The following GRM7 variants were observed in gnomAD, a reference collection of about 807,000 sequenced individuals.
GRM7 encodes metabotropic glutamate receptor 7.
A neutral mutation model predicts 84.5 loss-of-function variants in GRM7; 35 were observed. That is an observed-to-expected ratio of 0.41 (90% CI 0.32 to 0.55). GRM7 has a LOEUF of 0.55. Ranked by LOEUF, GRM7 falls within the 20% of genes least tolerant of loss-of-function variation. The probability of loss-of-function intolerance (pLI) is 0.19; values close to 1 mark genes in which losing one functional copy is unlikely to be tolerated. For missense variants in GRM7, 1,003 were observed against 1,194.6 expected (o/e 0.84, Z 2.36); for synonymous variants, 487 against 455.1 (o/e 1.07, Z -0.89).
intron 7 of GRM7, among the ~76,000 whole-genome samples, chr3:7,464,827 C>CAAAA (rs71307749): frequency 3.8e-4 from 33 of 85,802 alleles, no homozygotes; most frequent in African/African-American, 1.2e-3. Context: ...GACTCTGTCT[C>CAAAA]AAAAAAAAAA....
intron 6 of GRM7, among the ~76,000 whole-genome samples, chr3:7,459,088 T>C (rs925680834): frequency 6.6e-6 from 1 of 152,190 alleles, no homozygotes. Flanking sequence ...ATCCCTATTA[T>C]GATAAAGTGG....
rs1695588779 is a variant in GRM7, at chr3:7,587,851, G to C, written c.2451+8494G>C. 2.0e-5 allele frequency among the ~76,000 whole-genome samples: 3 copies of C among 152,222 alleles called. No homozygotes were observed. The South Asian group carries it at 6.2e-4, about 32-fold the overall frequency. On this transcript the variant is annotated intron_variant, in intron 8 of 9. Coordinates refer to ENST00000357716, the MANE Select transcript of GRM7 (RefSeq NM_000844.4). The stretch of plus-strand genomic sequence containing the variant: ...GAAGAATCCCTTAGAGCAAAAGTTG[G>C]ATCAGAGCTGGCAGTCACCTATGGT...
At chr3:7,678,221 GA>G (rs1316138499) in intron 8 of GRM7, among the ~76,000 whole-genome samples, 1 of 151,708 alleles carries the variant, frequency 6.6e-6, no homozygotes, top group African/African-American at 2.4e-5. Context: ...TCTAAAAGTT[GA>G]AAAAAGAAAA....
At chr3:7,491,342 T>C (rs1264305008) in intron 7 of GRM7, among the ~76,000 whole-genome samples, 1 of 152,104 alleles carries the variant, frequency 6.6e-6, no homozygotes, top group Non-Finnish European at 1.5e-5. Context: ...GATTATTTTA[T>C]ACTTTTCCAT....
At chr3:7,242,950 C>T (rs373797479) in intron 2 of GRM7, among the ~76,000 whole-genome samples, 85 of 151,532 alleles carry the variant, frequency 5.6e-4, no homozygotes, top group African/African-American at 2.0e-3. Context: ...ATTAAAAATC[C>T]CTTAAAGGTA....
At chr3:7,127,803 T>A (rs1375524850) in intron 1 of GRM7, among the ~76,000 whole-genome samples, 1 of 152,150 alleles carries the variant, frequency 6.6e-6, no homozygotes, top group African/African-American at 2.4e-5. Context: ...TCCAATACTG[T>A]TAGCCTAACC....
intron 2 of GRM7, among the ~76,000 whole-genome samples, chr3:7,245,722 G>C (rs1028962529): frequency 2.0e-5 from 3 of 151,930 alleles, no homozygotes; most frequent in African/African-American, 7.2e-5. Flanking sequence ...TGATGATTTG[G>C]ATCCATGAAA....
At chr3:7,724,064 A>T (rs1393204053) in intron 9 of GRM7, among the ~76,000 whole-genome samples, 1 of 152,132 alleles carries the variant, frequency 6.6e-6, no homozygotes, top group African/African-American at 2.4e-5. Context: ...AATAGTGAAG[A>T]TGGAAAATAC....
chr3:7,099,247 AATACATGTATT>A (rs1232190118), intron 1 of GRM7, among the ~76,000 whole-genome samples: 1 of 127,440 alleles, frequency 7.8e-6, no homozygotes, highest in African/African-American at 3.8e-5. Flanking sequence ...TGTATATATG[AATACATGTATT>A]ATACATGTAT....
intron 1 of GRM7, among the ~76,000 whole-genome samples, chr3:6,973,846 G>A (rs1301753081): frequency 6.6e-6 from 1 of 152,208 alleles, no homozygotes; most frequent in Non-Finnish European, 1.5e-5. Context: ...GGCCTTAGCA[G>A]CTATGGTAAG....
chr3:7,682,348 A>G (rs1169075424), intron 9 of GRM7: 4 of 151,050 alleles, frequency 2.6e-5, no homozygotes, highest in African/African-American at 9.8e-5. Flanking sequence ...AAAAAAAAAA[A>G]AAAAAAAAGA....
intron 1 of GRM7, among the ~76,000 whole-genome samples, chr3:7,093,891 A>C (rs776635324): frequency 3.9e-5 from 6 of 152,144 alleles, no homozygotes; most frequent in Non-Finnish European, 5.9e-5. Context: ...CGAGACTAAC[A>C]ACCAGAGAAC....
chr3:7,302,519 C>CA (rs1281131646), intron 3 of GRM7, among the ~76,000 whole-genome samples: 1 of 152,066 alleles, frequency 6.6e-6, no homozygotes, highest in African/African-American at 2.4e-5. Flanking sequence ...CAAACTTCGT[C>CA]AGCACCTCCC....
chr3:7,288,547 G>A (rs1332499930), intron 2 of GRM7, among the ~76,000 whole-genome samples: 6 of 152,078 alleles, frequency 3.9e-5, no homozygotes, highest in South Asian at 2.1e-4. Context: ...CTTCTCATCC[G>A]TAAAGTGGAC....
At chr3:7,547,612 TAAATC>T (rs1350489930) in intron 7 of GRM7, among the ~76,000 whole-genome samples, 1 of 152,160 alleles carries the variant, frequency 6.6e-6, no homozygotes, top group Non-Finnish European at 1.5e-5. Flanking sequence ...CCTTATCAAT[TAAATC>T]AGAAAGTCCA....
At chr3:7,186,228 G>T (rs761063606) in intron 2 of GRM7, among the ~76,000 whole-genome samples, 1 of 152,142 alleles carries the variant, frequency 6.6e-6, no homozygotes, top group Non-Finnish European at 1.5e-5. Flanking sequence ...CATATTTCAA[G>T]TTGCGTGTAT....
rs148472762 is a variant in GRM7, at chr3:7,038,084, G to A, written c.520-108368G>A. ...AATAAAAGTTTTCTTCTCATGTTTA[G>A]AGACCCCTCTATTGACTAAAGACAG... On this transcript the variant is annotated intron_variant, in intron 1 of 9. Coordinates refer to ENST00000357716, the MANE Select transcript of GRM7 (RefSeq NM_000844.4). Among the ~76,000 whole-genome samples the A allele has an allele frequency of 3.6e-3, 552 of 152,230 alleles. 1 individual carries two copies. The highest frequency in any genetic ancestry group is 0.02 in the Middle Eastern group (6 of 294).
At chr3:7,094,155 G>A (rs754354079) in intron 1 of GRM7, among the ~76,000 whole-genome samples, 9 of 152,004 alleles carry the variant, frequency 5.9e-5, no homozygotes, top group East Asian at 1.9e-4. Flanking sequence ...GAAAGAGACA[G>A]ACAATAAACA....
chr3:7,170,721 G>T (rs1439141693), intron 2 of GRM7, among the ~76,000 whole-genome samples: 1 of 152,150 alleles, frequency 6.6e-6, no homozygotes, highest in African/African-American at 2.4e-5. Context: ...ACACAAATTT[G>T]GATGCTTCCA....
Sources: allele counts gnomAD v4.1 joint callset (sites outside exome capture counted in the v4.1 genomes callset), GRCh38; gene constraint gnomAD v4.1.1; transcripts MANE v1.5; gene names NCBI Gene and HGNC (gene_info 2026-07-23, HGNC 2026-07-21).